The following SRGAP2B variants were observed in gnomAD, a reference collection of about 807,000 sequenced individuals.
The protein encoded by SRGAP2B is SLIT-ROBO Rho GTPase activating protein 2B.
SRGAP2B carries 9 observed loss-of-function variants against 22.2 expected under a neutral mutation model. The ratio of observed to expected loss-of-function variants is 0.41; its 90% CI spans 0.24 to 0.71. The LOEUF is 0.71. Ranked by LOEUF, SRGAP2B falls within the 30% of genes least tolerant of loss-of-function variation. The probability of loss-of-function intolerance (pLI) is 0.35; values close to 1 mark genes in which losing one functional copy is unlikely to be tolerated. For synonymous variants in SRGAP2B, 36 were observed against 87.4 expected (o/e 0.41, Z 3.28); for missense variants, 114 against 235.8 (o/e 0.48, Z 3.38).
chr1:144,924,987 T>C (rs1256977741), intron 4 of SRGAP2B, among the ~76,000 whole-genome samples: 1 of 148,686 alleles, frequency 6.7e-6, no homozygotes, highest in Non-Finnish European at 1.5e-5. Flanking sequence ...GGAAACTTAG[T>C]CTTTACTAGG....
At chr1:144,969,707 A>G (rs1165415968) in intron 3 of SRGAP2B, among the ~76,000 whole-genome samples, 2 of 150,792 alleles carry the variant, frequency 1.3e-5, no homozygotes, top group African/African-American at 2.5e-5. Flanking sequence ...GTGAACAGGC[A>G]AACTACAACA....
chr1:145,021,837 G>T (rs1553624198), intron 2 of SRGAP2B, among the ~76,000 whole-genome samples: 1 of 139,328 alleles, frequency 7.2e-6, no homozygotes, highest in Non-Finnish European at 1.5e-5. Flanking sequence ...AAAAAAGAGT[G>T]ATAGATGACC....
At chr1:144,999,294 G>A (rs1455403028) in intron 2 of SRGAP2B, among the ~76,000 whole-genome samples, 4 of 147,500 alleles carry the variant, frequency 2.7e-5, no homozygotes, top group Non-Finnish European at 6.0e-5. Flanking sequence ...TATCTTAGGG[G>A]TACAAAAGAA....
chr1:145,076,206 T>G (rs1256735283), intron 2 of SRGAP2B, among the ~76,000 whole-genome samples: 2 of 150,098 alleles, frequency 1.3e-5, no homozygotes, highest in Non-Finnish European at 3.0e-5. Flanking sequence ...TCTTTTTTTT[T>G]TTGTAGACAG....
In SRGAP2B at chr1:145,030,358, G is replaced by A. The variant is rs587765260; in HGVS notation, c.68-35158C>T. On this transcript the variant is annotated intron_variant, in intron 2 of 9. Coordinates refer to ENST00000612199, the Ensembl canonical transcript of SRGAP2B. ...ATATCTATCTTAAAATATATTCCAT[G>A]TTTGAATACTATACAGCCATAAAAA... Among the ~76,000 whole-genome samples the A allele has an allele frequency of 5.4e-5, 8 of 148,812 alleles. No homozygotes were observed. In the South Asian group the frequency reaches 1.5e-3, roughly 27 times the overall value.
chr1:144,993,284 G>A (rs1553617790), intron 3 of SRGAP2B, among the ~76,000 whole-genome samples: 1 of 151,192 alleles, frequency 6.6e-6, no homozygotes, highest in African/African-American at 2.5e-5. Flanking sequence ...AAATGTCAAT[G>A]TGCACACAAA....
At chr1:144,940,940 C>T (rs1461532440) in intron 4 of SRGAP2B, among the ~76,000 whole-genome samples, 3 of 149,210 alleles carry the variant, frequency 2.0e-5, no homozygotes, top group African/African-American at 5.0e-5. Flanking sequence ...GATAAAAATG[C>T]TTCTCCAAAT....
In SRGAP2B at chr1:144,928,408, T is replaced by G. The variant is rs1357699275; in HGVS notation, c.424-13654A>C. On this transcript the variant is annotated intron_variant, in intron 4 of 9. Transcript: ENST00000612199. ...TTGGGTTGCTTCCACTTTTTGGTTA[T>G]TTATTTATTTATTTATTTATTTATT... Among the ~76,000 whole-genome samples the G allele has an allele frequency of 2.6e-4, 12 of 46,952 alleles. 2 individuals are homozygous for G. The highest frequency in any genetic ancestry group is 5.4e-4 in the East Asian group (1 of 1,864). The allele number at this position is 46,952 out of a possible 152,430, so 30.8% of individuals were successfully genotyped here.
intron 8 of SRGAP2B, among the ~76,000 whole-genome samples, chr1:144,893,995 C>G (rs1480671450): frequency 2.1e-5 from 3 of 144,648 alleles, no homozygotes; most frequent in Middle Eastern, 3.5e-3. Flanking sequence ...AGCTTTGATT[C>G]AATGAGAAAG....
chr1:145,085,100 G>A (rs1273422295), intron 2 of SRGAP2B, among the ~76,000 whole-genome samples: 14 of 151,644 alleles, frequency 9.2e-5, no homozygotes, highest in Middle Eastern at 3.4e-3. Context: ...CCACCACCAC[G>A]CCCAGCTAAT....
intron 2 of SRGAP2B, among the ~76,000 whole-genome samples, chr1:145,070,504 G>A (rs587692137): frequency 5.0e-5 from 1 of 20,158 alleles, no homozygotes; most frequent in South Asian, 1.2e-3. Context: ...AACACATTTC[G>A]CCATAAAAGG....
At chr1:145,030,763 T>G (rs1648237826) in intron 2 of SRGAP2B, among the ~76,000 whole-genome samples, 1 of 57,196 alleles carries the variant, frequency 1.7e-5, no homozygotes, top group Non-Finnish European at 3.4e-5. Flanking sequence ...TATATATATA[T>G]AGTCCATGTT....
intron 4 of SRGAP2B, among the ~76,000 whole-genome samples, chr1:144,924,578 A>G (rs1664509593): frequency 6.6e-6 from 1 of 151,328 alleles, no homozygotes. Context: ...AATACAAAAA[A>G]AAAGTTAGCC....
intron 3 of SRGAP2B, among the ~76,000 whole-genome samples, chr1:144,979,733 C>T (rs1314586039): frequency 6.6e-6 from 1 of 151,054 alleles, no homozygotes; most frequent in East Asian, 1.9e-4. Flanking sequence ...GGACCTCCCC[C>T]GACTCTCACT....
intron 3 of SRGAP2B, among the ~76,000 whole-genome samples, chr1:144,991,332 A>G (rs1156550646): frequency 6.6e-6 from 1 of 150,426 alleles, no homozygotes; most frequent in Admixed American, 6.6e-5. Flanking sequence ...AAACACACCA[A>G]TCAGCACCCT....
At chr1:144,898,681 G>A (rs1338103423) in intron 7 of SRGAP2B, among the ~76,000 whole-genome samples, 1 of 149,870 alleles carries the variant, frequency 6.7e-6, no homozygotes, top group African/African-American at 2.5e-5. Flanking sequence ...GATCACACTG[G>A]AAGCAGCTAC....
chr1:144,932,451 C>T (rs1252109917), intron 4 of SRGAP2B, among the ~76,000 whole-genome samples: 2 of 151,134 alleles, frequency 1.3e-5, no homozygotes, highest in Admixed American at 6.6e-5. Context: ...GGCATTAGGG[C>T]TTTGCAGCCA....
At chr1:144,980,659 T>C (rs1476537796) in intron 3 of SRGAP2B, among the ~76,000 whole-genome samples, 1 of 147,726 alleles carries the variant, frequency 6.8e-6, no homozygotes, top group African/African-American at 2.5e-5. Flanking sequence ...AGTGGAGATG[T>C]ATAAAAGGAG....
intron 3 of SRGAP2B, among the ~76,000 whole-genome samples, chr1:144,971,024 G>A (rs1263501652): frequency 3.3e-5 from 5 of 150,396 alleles, no homozygotes; most frequent in African/African-American, 1.2e-4. Flanking sequence ...ACGAAACAAA[G>A]TGACTAGAAT....
Sources: gnomAD v4.1 joint callset for allele counts (sites outside exome capture counted in the v4.1 genomes callset) on GRCh38, gnomAD v4.1.1 for gene constraint, MANE v1.5 for transcripts, NCBI Gene and HGNC (gene_info 2026-07-23, HGNC 2026-07-21) for gene names.